Variants in PRR5 observed in about 807,000 individuals in gnomAD.
The protein encoded by PRR5 is proline-rich protein 5.
In PRR5, 25 loss-of-function variants were observed where a neutral mutation model predicts 30.6. The observed-to-expected ratio is 0.82, with a 90% CI of 0.60 to 1.14. The LOEUF (loss-of-function observed/expected upper bound fraction) is 1.14. Ranked by LOEUF, PRR5 falls within the 50% of genes most tolerant of loss-of-function variation. The pLI, the probability that PRR5 is intolerant of heterozygous loss-of-function variation, is 0.00. For missense variants in PRR5, 600 were observed against 547.1 expected (o/e 1.10, Z -0.96); for synonymous variants, 286 against 247.1 (o/e 1.16, Z -1.48).
At chr22:44,671,558 G>A (rs1036456148) in intron 1 of PRR5, among the ~76,000 whole-genome samples, 3 of 152,088 alleles carry the variant, frequency 2.0e-5, no homozygotes, top group Admixed American at 6.5e-5. Flanking sequence ...CCAGCAGGAG[G>A]AGCCTTCAGA....
intron 1 of PRR5, 53 bp from the exon 2 acceptor site, chr22:44,714,537 AC>A: frequency 6.2e-7 from 1 of 1,604,100 alleles, no homozygotes. Flanking sequence ...CTGATGGGCA[AC>A]CAGGGGGCTC....
intron 1 of PRR5, among the ~76,000 whole-genome samples, chr22:44,680,557 C>A (rs1924182128): frequency 6.6e-6 from 1 of 152,162 alleles, no homozygotes; most frequent in Non-Finnish European, 1.5e-5. Flanking sequence ...CCATGGAGGT[C>A]CCACAGCAGG....
At chr22:44,693,292 T>C (rs1312550704) in intron 1 of PRR5, among the ~76,000 whole-genome samples, 1 of 152,052 alleles carries the variant, frequency 6.6e-6, no homozygotes, top group East Asian at 1.9e-4. Context: ...AGAAAGACCC[T>C]GTCTCTACCA....
At chr22:44,730,389 C>T in intron 4 of PRR5, 3 of 985,024 alleles carry the variant, frequency 3.0e-6, no homozygotes, top group South Asian at 9.4e-5. Flanking sequence ...TTGGACTGTG[C>T]ATCCCTGGAC....
At chr22:44,709,226 C>T (rs1291402181) in intron 1 of PRR5, among the ~76,000 whole-genome samples, 1 of 152,130 alleles carries the variant, frequency 6.6e-6, no homozygotes, top group Non-Finnish European at 1.5e-5. Flanking sequence ...GGGTCCCAAG[C>T]TCCGTGCCTC....
chr22:44,705,378 C>T (rs911725665), intron 1 of PRR5, among the ~76,000 whole-genome samples: 3 of 152,130 alleles, frequency 2.0e-5, no homozygotes, highest in Non-Finnish European at 2.9e-5. Flanking sequence ...GGCTGGAGTG[C>T]AATGGTGTGA....
chr22:44,689,358 C>G (rs73171598), intron 1 of PRR5, among the ~76,000 whole-genome samples: 6,752 of 152,260 alleles, frequency 0.044, 273 homozygotes, highest in African/African-American at 0.1. Flanking sequence ...CATCTTTCAT[C>G]CCTTATCAGA....
chr22:44,715,874 C>G (rs1602039935), intron 2 of PRR5, among the ~76,000 whole-genome samples: 1 of 152,168 alleles, frequency 6.6e-6, no homozygotes, highest in Non-Finnish European at 1.5e-5. Context: ...TCTCGAACTC[C>G]TGGGCTCAAG....
upstream of PRR5, among the ~76,000 whole-genome samples, chr22:44,676,531 C>T (rs1415583783): frequency 6.6e-6 from 1 of 152,000 alleles, no homozygotes; most frequent in African/African-American, 2.4e-5. Context: ...GGAATGCTTC[C>T]TAAAGGAGGC....
intron 1 of PRR5, among the ~76,000 whole-genome samples, chr22:44,684,746 G>A (rs1161232276): frequency 3.9e-5 from 6 of 152,360 alleles, no homozygotes; most frequent in East Asian, 3.9e-4. Flanking sequence ...GCACAGGGCC[G>A]GGCTGATGTC....
At chr22:44,702,939 G>A (rs1038745737) in intron 1 of PRR5, among the ~76,000 whole-genome samples, 1 of 152,222 alleles carries the variant, frequency 6.6e-6, no homozygotes, top group East Asian at 1.9e-4. Flanking sequence ...TGCGGTGCTC[G>A]TGACAACCTG....
intron 2 of PRR5, among the ~76,000 whole-genome samples, chr22:44,721,870 A>G (rs1189195193): frequency 1.3e-5 from 2 of 152,306 alleles, no homozygotes; most frequent in South Asian, 2.1e-4. Context: ...CATGCCTTCT[A>G]TGAAGACCCT....
At chr22:44,716,827 G>A (rs374943606) in intron 2 of PRR5, among the ~76,000 whole-genome samples, 75 of 152,170 alleles carry the variant, frequency 4.9e-4, no homozygotes, top group Non-Finnish European at 9.1e-4. Flanking sequence ...TTGGGAGGCC[G>A]AGGCAGGAGG....
At chr22:44,684,624 C>G (rs1924583659) in intron 1 of PRR5, among the ~76,000 whole-genome samples, 1 of 152,230 alleles carries the variant, frequency 6.6e-6, no homozygotes, top group South Asian at 2.1e-4. Context: ...CACCTCCTAC[C>G]CGCGGTCCAA....
At chr22:44,735,932 G>T (rs776563667) in intron 7 of PRR5, among the ~76,000 whole-genome samples, 2 of 152,362 alleles carry the variant, frequency 1.3e-5, no homozygotes, top group South Asian at 2.1e-4. Context: ...GCTTGGTGTA[G>T]CCCTGGATGG....
intron 4 of PRR5, chr22:44,729,636 C>T (rs1921554165): frequency 1.0e-6 from 1 of 985,352 alleles, no homozygotes; most frequent in African/African-American, 1.7e-5. Flanking sequence ...CCCATACCTG[C>T]CTCCGACTAA....
At chr22:44,686,418 C>T (rs916334109) in intron 1 of PRR5, among the ~76,000 whole-genome samples, 8 of 151,156 alleles carry the variant, frequency 5.3e-5, no homozygotes, top group Non-Finnish European at 8.9e-5. Context: ...CTCACTGCAA[C>T]GTGTGCCTCC....
chr22:44,688,242 G>A (rs1340334695), intron 1 of PRR5, among the ~76,000 whole-genome samples: 4 of 151,896 alleles, frequency 2.6e-5, no homozygotes, highest in African/African-American at 9.7e-5. Flanking sequence ...AAATTAGCCG[G>A]GTGTGGTGGT....
intron 1 of PRR5, 80 bp from the exon 2 acceptor site, chr22:44,714,511 G>A: frequency 6.4e-7 from 1 of 1,568,400 alleles, no homozygotes; most frequent in Non-Finnish European, 8.7e-7. Flanking sequence ...AGGAGAGAGG[G>A]AAAGAGGAAT....
Sources: allele counts gnomAD v4.1 joint callset (sites outside exome capture counted in the v4.1 genomes callset), GRCh38; gene constraint gnomAD v4.1.1; transcripts MANE v1.5; gene names NCBI Gene and HGNC (gene_info 2026-07-23, HGNC 2026-07-21).